Variants in RGS6 observed in about 807,000 individuals in gnomAD.
The protein encoded by RGS6 is regulator of G-protein signaling 6.
Under a neutral mutation model 78.5 loss-of-function variants are expected in RGS6, and 30 were observed. That is an observed-to-expected ratio of 0.38 (90% confidence interval 0.29 to 0.52). The LOEUF (loss-of-function observed/expected upper bound fraction) is 0.52. Ranked by LOEUF, RGS6 falls within the 20% of genes least tolerant of loss-of-function variation. The pLI is 0.85. For missense variants in RGS6, 495 were observed against 609.7 expected (o/e 0.81, Z 1.98); for synonymous variants, 206 against 206.0 (o/e 1.00, Z 0.00).
At chr14:72,035,716 G>T (rs2091598374) in intron 2 of RGS6, among the ~76,000 whole-genome samples, 1 of 152,026 alleles carries the variant, frequency 6.6e-6, no homozygotes, top group African/African-American at 2.4e-5. Flanking sequence ...GAAAAACATG[G>T]GTCACAGTAG....
intron 1 of RGS6, among the ~76,000 whole-genome samples, chr14:71,941,708 G>A (rs779826167): frequency 6.6e-6 from 1 of 152,070 alleles, no homozygotes; most frequent in Non-Finnish European, 1.5e-5. Flanking sequence ...CTTTATATTC[G>A]CTGGAAGCTG....
intron 13 of RGS6, among the ~76,000 whole-genome samples, chr14:72,506,277 A>G (rs1371374644): frequency 6.6e-6 from 1 of 152,264 alleles, no homozygotes; most frequent in Non-Finnish European, 1.5e-5. Flanking sequence ...CGAAAATCCA[A>G]ATGCTGACAT....
intron 2 of RGS6, among the ~76,000 whole-genome samples, chr14:72,044,203 A>G (rs2092658599): frequency 6.6e-6 from 1 of 152,078 alleles, no homozygotes; most frequent in South Asian, 2.1e-4. Context: ...CTGTTCTTGC[A>G]TATTGTCTGC....
chr14:72,513,573 G>T (rs1309693531), intron 14 of RGS6, among the ~76,000 whole-genome samples: 1 of 152,208 alleles, frequency 6.6e-6, no homozygotes, highest in African/African-American at 2.4e-5. Context: ...AATGCTCATG[G>T]CTTCTGTCCA....
chr14:72,534,824 C>T (rs1421979622), intron 15 of RGS6, among the ~76,000 whole-genome samples: 4 of 152,188 alleles, frequency 2.6e-5, no homozygotes. Flanking sequence ...ACCAGTCCTG[C>T]CTCTCAGATG....
At chr14:72,462,187 C>A (rs577555546) in intron 6 of RGS6, among the ~76,000 whole-genome samples, 1 of 152,312 alleles carries the variant, frequency 6.6e-6, no homozygotes, top group Admixed American at 6.5e-5. Context: ...AAGTCACAGC[C>A]TTTCCCCGCA....
intron 17 of RGS6, chr14:72,547,425 A>C: frequency 2.9e-5 from 28 of 977,718 alleles, no homozygotes; most frequent in Non-Finnish European, 3.8e-5. Flanking sequence ...GGTGGAAACA[A>C]CAGGGGATGC....
intron 7 of RGS6, among the ~76,000 whole-genome samples, chr14:72,466,609 A>C (rs2095920648): frequency 1.3e-5 from 2 of 152,232 alleles, no homozygotes; most frequent in African/African-American, 4.8e-5. Flanking sequence ...CAAGAACATT[A>C]TGTTGGGTGA....
chr14:72,594,693 T>G, the RGS6 span: 32 of 152,292 alleles, frequency 2.1e-4, no homozygotes, highest in African/African-American at 7.0e-4. Flanking sequence ...CTTGCATATT[T>G]AAAAGTTAAT....
the RGS6 span, among the ~76,000 whole-genome samples, chr14:71,903,955 C>G: frequency 6.6e-6 from 1 of 152,034 alleles, no homozygotes; most frequent in Non-Finnish European, 1.5e-5. Context: ...GGTTATAATC[C>G]ACTGGGGAAT....
rs138522130 is a variant in RGS6 at position 72,067,182 on chromosome 14, T to C, written c.84+102307T>C. Among the ~76,000 whole-genome samples the C allele has an allele frequency of 2.9e-4, 44 of 152,272 alleles. No individual in the cohort carries two copies. The East Asian group carries it at 8.5e-3, about 29-fold the overall frequency. ...AATCCTTGGGGTACATAGCCAGTAA[T>C]GCGTCATTCCCAGCAAACTAACACA... On this transcript the variant is annotated intron_variant, in intron 2 of 17. Transcript: ENST00000553525.
intron 2 of RGS6, among the ~76,000 whole-genome samples, chr14:72,222,644 C>A (rs2047146751): frequency 1.3e-5 from 2 of 152,190 alleles, no homozygotes; most frequent in Admixed American, 1.3e-4. Flanking sequence ...ATTCTGTAAC[C>A]CATAGGCTAC....
chr14:72,271,212 A>G (rs969588197), intron 2 of RGS6, among the ~76,000 whole-genome samples: 1 of 152,158 alleles, frequency 6.6e-6, no homozygotes, highest in Non-Finnish European at 1.5e-5. Context: ...TTTATAAAGG[A>G]AAGAGGTTTA....
intron 2 of RGS6, among the ~76,000 whole-genome samples, chr14:72,138,449 GTTT>G (rs71448384): frequency 2.3e-5 from 2 of 86,644 alleles, no homozygotes; most frequent in African/African-American, 4.5e-5. Flanking sequence ...ACCTGTACCT[GTTT>G]TTTTTTTTTT....
Position 72,370,067 on chromosome 14 carries a change from T to C in RGS6, c.184+17873T>C, listed in dbSNP as rs139585422. On this transcript the variant is annotated intron_variant, in intron 3 of 17. Coordinates refer to ENST00000553525, the MANE Select transcript of RGS6 (RefSeq NM_001204424.2). ...CATATATACATTTATATAATCAAAA[T>C]TGATTTGGAGATTCTGCTTTGGAGA... 6.6e-3 allele frequency among the ~76,000 whole-genome samples: 1,002 copies of C among 152,204 alleles called. 27 individuals are homozygous for C. Among genetic ancestry groups the C allele is most frequent in the Admixed American group, 0.044 (670 of 15,280 alleles).
chr14:72,200,895 A>AG (rs1341314578), intron 2 of RGS6, among the ~76,000 whole-genome samples: 2 of 143,738 alleles, frequency 1.4e-5, no homozygotes, highest in African/African-American at 2.6e-5. Flanking sequence ...TCAAAGGATG[A>AG]GGGGGGTTGG....
chr14:71,953,969 G>GTTTTTTTTTTTTTTTTTTTTTTTTTTTT (rs3053026), intron 1 of RGS6, among the ~76,000 whole-genome samples: 1 of 76,082 alleles, frequency 1.3e-5, no homozygotes, highest in Non-Finnish European at 2.3e-5. Flanking sequence ...CTAAGTGGGC[G>GTTTTTTTTTTTTTTTTTTTTTTTTTTTT]TTTTTTTTTT....
At chr14:72,272,049 A>C (rs968611428) in intron 2 of RGS6, among the ~76,000 whole-genome samples, 2 of 152,108 alleles carry the variant, frequency 1.3e-5, no homozygotes, top group African/African-American at 4.8e-5. Flanking sequence ...ATTCTAAGCA[A>C]TCTTAATTCC....
At chr14:72,467,002 CCTTCTCTATCTTT>C (rs1379268652) in intron 7 of RGS6, among the ~76,000 whole-genome samples, 2 of 151,250 alleles carry the variant, frequency 1.3e-5, no homozygotes, top group African/African-American at 2.5e-5. Context: ...TTCTTACCTT[CCTTCTCTATCTTT>C]CTTCATAAGA....
Sources: allele counts gnomAD v4.1 joint callset (sites outside exome capture counted in the v4.1 genomes callset), GRCh38; gene constraint gnomAD v4.1.1; transcripts MANE v1.5; gene names NCBI Gene and HGNC (gene_info 2026-07-23, HGNC 2026-07-21).